The following IQANK1 variants were observed in gnomAD, a reference collection of about 807,000 sequenced individuals.
IQANK1 encodes IQ motif and ankyrin repeat containing 1, also known as IQ motif and ankyrin repeat domain-containing protein 1.
In IQANK1, 30 loss-of-function variants were observed where a neutral mutation model predicts 22.6. The ratio of observed to expected loss-of-function variants is 1.33; its 90% confidence interval spans 0.99 to 1.80. The LOEUF (loss-of-function observed/expected upper bound fraction) is 1.80, where lower values mean the gene tolerates loss of function less well. Ranked by LOEUF, IQANK1 falls within the 40% of genes most tolerant of loss-of-function variation. IQANK1 has a pLI of 0.00. For missense variants in IQANK1, 275 were observed against 235.2 expected, an observed-to-expected ratio of 1.17 and a Z score of -1.11; for synonymous variants, 122 against 99.6, an observed-to-expected ratio of 1.23 and a Z score of -1.34.
At chr8:143,778,199 CA>C (rs71318625) in intron 7 of IQANK1, among the ~76,000 whole-genome samples, 139,468 of 146,650 alleles carry the variant, frequency 0.95, 66,169 homozygotes, top group Middle Eastern at 1. Flanking sequence ...CGTCTCAAAA[CA>C]AAAAAAAAAA....
chr8:143,734,896 C>G (rs1271622778), intron 1 of IQANK1, among the ~76,000 whole-genome samples: 2 of 151,544 alleles, frequency 1.3e-5, no homozygotes, highest in African/African-American at 4.9e-5. Context: ...TCCCCCAGGT[C>G]CCCCTCAGGC....
At chr8:143,761,972 A>T (rs982055610) in intron 3 of IQANK1, among the ~76,000 whole-genome samples, 1 of 152,294 alleles carries the variant, frequency 6.6e-6, no homozygotes. Context: ...GTAACACAGT[A>T]TATCATTTCT....
At chr8:143,781,461 C>T (rs1554630927) in intron 7 of IQANK1, among the ~76,000 whole-genome samples, 1 of 152,132 alleles carries the variant, frequency 6.6e-6, no homozygotes, top group East Asian at 1.9e-4. Flanking sequence ...TTGAGTTTTA[C>T]ATTTAAGTCT....
rs1563778001 is a variant in IQANK1, at chr8:143,774,942, G to C, written c.789+2460G>C. ...GACAACACTGTGGAGACGGAGGACA[G>C]ATCGGAGGGCTGCAGGGGTTACGGA... On this transcript the variant is annotated intron_variant, in intron 7 of 13. Transcript: ENST00000527139. The surrounding 1 kb of genome is among the most constrained non-coding windows in gnomAD (Gnocchi z 4.2). Among the ~76,000 whole-genome samples the C allele has an allele frequency of 6.6e-6, 1 of 152,198 alleles. No individual in the cohort carries two copies. Among genetic ancestry groups the C allele is most frequent in the South Asian group, 2.1e-4 (1 of 4,836 alleles).
At chr8:143,784,720 G>A (rs184768812) in intron 7 of IQANK1, among the ~76,000 whole-genome samples, 1 of 151,822 alleles carries the variant, frequency 6.6e-6, no homozygotes, top group East Asian at 2.0e-4. Context: ...GTATACCAGA[G>A]GGAAAGAGCT....
At chr8:143,773,419 C>T (rs924394287) in intron 7 of IQANK1, among the ~76,000 whole-genome samples, 20 of 152,072 alleles carry the variant, frequency 1.3e-4, no homozygotes, top group South Asian at 2.1e-4. Flanking sequence ...AGGCTGACTC[C>T]GCCTGTTGGA....
intron 3 of IQANK1, chr8:143,744,296 G>A (rs2129796156): frequency 6.5e-6 from 1 of 153,708 alleles, no homozygotes; most frequent in Non-Finnish European, 1.4e-5. Context: ...CAGGGGGCAG[G>A]AGGTGGACAT....
intron 3 of IQANK1, chr8:143,743,181 C>A: frequency 2.6e-6 from 1 of 378,272 alleles, no homozygotes; most frequent in Admixed American, 3.3e-5. Flanking sequence ...TGGCTCTCCA[C>A]TTCTGCCTCC....
intron 3 of IQANK1, chr8:143,742,560 G>A: frequency 2.2e-6 from 1 of 456,118 alleles, no homozygotes; most frequent in South Asian, 1.5e-5. Flanking sequence ...ATGGCTGCTG[G>A]GCTGCCCAGG....
intron 7 of IQANK1, among the ~76,000 whole-genome samples, chr8:143,772,887 G>A (rs1554629937): frequency 6.6e-6 from 1 of 152,208 alleles, no homozygotes; most frequent in African/African-American, 2.4e-5. Flanking sequence ...ACGGCGCTGG[G>A]GGCAGCACGG....
At chr8:143,736,436 G>T (rs1818740947) in intron 2 of IQANK1, among the ~76,000 whole-genome samples, 1 of 152,062 alleles carries the variant, frequency 6.6e-6, no homozygotes, top group Non-Finnish European at 1.5e-5. Context: ...TGAGCCACAT[G>T]CCCGGCCAAG....
In IQANK1 at chr8:143,771,046, C is replaced by G. The variant is rs1182257391; in HGVS notation, c.176-442C>G. Among the ~76,000 whole-genome samples, 1 of 152,244 alleles carries G rather than the reference C, an allele frequency of 6.6e-6. No homozygotes were observed. Among genetic ancestry groups the G allele is most frequent in the African/African-American group, 2.4e-5 (1 of 41,476 alleles). On this transcript the variant is annotated intron_variant, in intron 3 of 13. Transcript: ENST00000527139. This position sits in a 1 kb window ranked among gnomAD's most constrained non-coding sequence, Gnocchi z 6.0. ...TCTGGGGCCCTGGGCTCCGCGCCCT[C>G]TTCTGAGTCCAGCGGGGCTGTGATG...
chr8:143,780,883 G>A (rs1400567611), intron 7 of IQANK1, among the ~76,000 whole-genome samples: 11 of 152,050 alleles, frequency 7.2e-5, no homozygotes, highest in South Asian at 6.2e-4. Flanking sequence ...CTGCTTTTAG[G>A]TCTTTGAGGA....
chr8:143,749,422 A>G (rs1293260345), intron 3 of IQANK1, among the ~76,000 whole-genome samples: 1 of 129,576 alleles, frequency 7.7e-6, no homozygotes, highest in South Asian at 2.2e-4. Context: ...TATAATATAT[A>G]CATATATCTC....
At chr8:143,772,972 A>C (rs918747518) in intron 7 of IQANK1, among the ~76,000 whole-genome samples, 5 of 152,194 alleles carry the variant, frequency 3.3e-5, no homozygotes, top group African/African-American at 1.2e-4. Flanking sequence ...CCAGCCACAG[A>C]GCTCCTTTCT....
intron 3 of IQANK1, among the ~76,000 whole-genome samples, chr8:143,768,378 T>C (rs62526403): frequency 4.5e-4 from 68 of 152,212 alleles, no homozygotes; most frequent in Non-Finnish European, 8.2e-4. Context: ...TGGGGGGGTT[T>C]CCGCCAGGTT....
In IQANK1 at chr8:143,771,596, A is replaced by T; in HGVS notation, c.284A>T (p.Gln95Leu). The T allele has an allele frequency of 2.5e-6, 1 of 398,416 alleles. No homozygotes were observed. The highest frequency in any genetic ancestry group is 6.3e-4 in the Middle Eastern group (1 of 1,592). The allele number at this position is 398,416 out of a possible 1,614,324, so 24.7% of individuals were successfully genotyped here. Residue 95 changes from glutamine (Q) to leucine (L), a missense_variant, in exon 4 of 14, where the codon CAG becomes CTG. By Grantham distance (113) the Gln-to-Leu change is moderately radical. Coordinates refer to ENST00000527139, the MANE Select transcript of IQANK1 (RefSeq NM_001381874.1). This position sits in a 1 kb window ranked among gnomAD's most constrained non-coding sequence, Gnocchi z 6.0. ...RREERREYLE[Q>L]METPQKEAYL... ...GAGGAGCGCCGGGAGTACCTGGAGCAGATGGAGACGCCGCAGAAGGAGGTG... is the reference window on the plus strand; with the variant it reads ...GAGGAGCGCCGGGAGTACCTGGAGCTGATGGAGACGCCGCAGAAGGAGGTG...
intron 3 of IQANK1, among the ~76,000 whole-genome samples, chr8:143,752,192 C>T (rs1294991529): frequency 2.0e-5 from 3 of 152,178 alleles, no homozygotes; most frequent in African/African-American, 7.2e-5. Flanking sequence ...TCTCAAACTC[C>T]TGACCTCAGG....
chr8:143,775,496 C>T (rs1819664694), intron 7 of IQANK1, among the ~76,000 whole-genome samples: 1 of 152,004 alleles, frequency 6.6e-6, no homozygotes, highest in Non-Finnish European at 1.5e-5. Context: ...CGGGGTGGCT[C>T]ACACCTGTCA....
Sources: gnomAD v4.1 joint callset for allele counts (sites outside exome capture counted in the v4.1 genomes callset) on GRCh38, gnomAD v4.1.1 for gene constraint, Gnocchi (gnomAD v3.1) non-coding constraint, MANE v1.5 for transcripts, NCBI Gene and HGNC (gene_info 2026-07-23, HGNC 2026-07-21) for gene names.